IFNL1: variants seen among roughly 807,000 people sequenced by gnomAD.
IFNL1 encodes the protein interferon lambda-1.
A neutral mutation model predicts 17.1 loss-of-function variants in IFNL1; 16 were observed. The observed-to-expected ratio is 0.93, with a 90% CI of 0.63 to 1.42. The LOEUF is 1.42. Ranked by LOEUF, IFNL1 falls within the 40% of genes most tolerant of loss-of-function variation. IFNL1 has a pLI of 0.00. For synonymous variants in IFNL1, 104 were observed against 111.4 expected (o/e 0.93, Z 0.42); for missense variants, 262 against 249.4 (o/e 1.05, Z -0.34).
At position 39,296,551 on chromosome 19, in the gene IFNL1, C is replaced by A; in HGVS notation, c.130C>A (p.Pro44Thr). ...CHIGRFKSLS[P>T]QELASFKKAR... is the part of the protein sequence containing the mutation. ...CATTGGCAGGTTCAAATCTCTGTCA[C>A]CACAGGAGCTAGCGAGCTTCAAGAA... Residue 44 changes from proline to threonine, a missense_variant, in exon 1 of 5, where the codon CCA becomes ACA. Pro to Thr is a conservative substitution (Grantham distance 38, BLOSUM62 -1). Coordinates refer to ENST00000333625, the MANE Select transcript of IFNL1 (RefSeq NM_172140.2). 6 of 1,613,542 alleles carry A rather than the reference C, an allele frequency of 3.7e-6. No homozygotes were observed.
At position 39,296,505 on chromosome 19, in the gene IFNL1, C is replaced by A. The variant is rs1327883556; in HGVS notation, c.84C>A (p.Thr28=). 2.5e-6 allele frequency: 4 copies of A among 1,613,700 alleles called. No homozygotes were observed. The South Asian group carries it at 4.4e-5, about 18-fold the overall frequency. ...GCCCTGTCCCCACTTCCAAGCCCAC[C>A]ACAACTGGGAAGGGCTGCCACATTG... is the stretch of plus-strand genomic sequence containing the variant. ...VAGPVPTSKP[T]TTGKGCHIGR... is the part of the protein sequence containing the mutation. Residue 28 remains threonine (T), a synonymous_variant, in exon 1 of 5, where the codon ACC becomes ACA. Coordinates refer to ENST00000333625, the MANE Select transcript of IFNL1 (RefSeq NM_172140.2).
At chr19:39,297,443 C>T (rs537285807) in intron 2 of IFNL1, among the ~76,000 whole-genome samples, 5 of 151,728 alleles carry the variant, frequency 3.3e-5, no homozygotes, top group South Asian at 2.1e-4. Flanking sequence ...CTCAGCCTCC[C>T]GAGTAGCTGG....
At chr19:39,297,564 C>T (rs1568564805) in intron 2 of IFNL1, among the ~76,000 whole-genome samples, 2 of 152,080 alleles carry the variant, frequency 1.3e-5, no homozygotes, top group Non-Finnish European at 2.9e-5. Context: ...AGGTGATCCA[C>T]CCGCCTCGGC....
intron 2 of IFNL1, 82 bp from the exon 3 acceptor site, chr19:39,297,882 T>C (rs1363234482): frequency 1.3e-6 from 2 of 1,560,642 alleles, no homozygotes; most frequent in Non-Finnish European, 1.8e-6. Flanking sequence ...TCACCGACCT[T>C]CCCCAGGACT....
chr19:39,296,539 A>C lies in IFNL1; in HGVS notation c.118A>C (p.Lys40Gln). The stretch of plus-strand genomic sequence containing the variant: ...GAAGGGCTGCCACATTGGCAGGTTC[A>C]AATCTCTGTCACCACAGGAGCTAGC... ...TGKGCHIGRF[K>Q]SLSPQELASF... The change falls in exon 1 of 5, where the codon AAA becomes CAA. Residue 40 changes from lysine to glutamine, a missense_variant. Lys to Gln is a moderately conservative substitution (Grantham distance 53). Transcript: ENST00000333625. 1 of 1,613,948 alleles carries C rather than the reference A, an allele frequency of 6.2e-7. No individual in the cohort carries two copies. Among genetic ancestry groups the C allele is most frequent in the Non-Finnish European group, 8.5e-7 (1 of 1,180,006 alleles).
Position 39,298,652 on chromosome 19 carries a change from A to C in IFNL1, c.*136A>C. The C allele has an allele frequency of 9.3e-7, 1 of 1,079,064 alleles. No homozygotes were observed. The highest frequency in any genetic ancestry group is 1.4e-6 in the Non-Finnish European group (1 of 738,514). The allele number at this position is 1,079,064 out of a possible 1,614,324, so 66.8% of individuals were successfully genotyped here. A position where few individuals can be genotyped will look rare whatever the true frequency, so the allele number is the denominator to read the frequency against. ...GTTTTACTTTTATACATTATGCACA[A>C]ATAAACAACAAGGAATTGGAACCTT... On this transcript the variant is annotated 3_prime_UTR_variant, in exon 5 of 5. Coordinates refer to ENST00000333625, the MANE Select transcript of IFNL1 (RefSeq NM_172140.2).
Position 39,298,593 on chromosome 19 carries a change from G to A in IFNL1, c.*77G>A, listed in dbSNP as rs1242904331. On this transcript the variant is annotated 3_prime_UTR_variant, in exon 5 of 5. Coordinates refer to ENST00000333625, the MANE Select transcript of IFNL1 (RefSeq NM_172140.2). Reference sequence around the variant, plus strand: ...CCTCTCACCCTTTATTTATGAAGCTGCAGCCCTGACTGAGACATAGGGCTG... The same window carrying A: ...CCTCTCACCCTTTATTTATGAAGCTACAGCCCTGACTGAGACATAGGGCTG... 1 of 1,554,158 alleles carries A rather than the reference G, an allele frequency of 6.4e-7. No homozygotes were observed. The highest frequency in any genetic ancestry group is 2.3e-5 in the East Asian group (1 of 44,414).
rs768407174 is a variant in IFNL1, at chr19:39,298,310, GA to G, written c.477+16del. The G allele has an allele frequency of 1.2e-6, 2 of 1,614,010 alleles. No individual in the cohort carries two copies. The highest frequency in any genetic ancestry group is 1.7e-6 in the Non-Finnish European group (2 of 1,180,016). ...GCCCCCAAAAAGGTGAGTGACCCAG[GA>G]AGAGAAGGACCAGGGTCTGGGGAGC... is the stretch of plus-strand genomic sequence containing the variant. On this transcript the variant is annotated intron_variant, in intron 4 of 4. Transcript: ENST00000333625.
At position 39,298,373 on chromosome 19, in the gene IFNL1, T is replaced by A; in HGVS notation, c.478-18T>A. ...CAGACCCTGGACAGCCCCTGACCCATCCCCTCCTCCCCTACAGGAGTCCGC... is the reference window on the plus strand; with the variant it reads ...CAGACCCTGGACAGCCCCTGACCCAACCCCTCCTCCCCTACAGGAGTCCGC... On this transcript the variant is annotated intron_variant, in intron 4 of 4. Coordinates refer to ENST00000333625, the MANE Select transcript of IFNL1 (RefSeq NM_172140.2). The A allele has an allele frequency of 6.2e-7, 1 of 1,614,056 alleles. No homozygotes were observed. The highest frequency in any genetic ancestry group is 8.5e-7 in the Non-Finnish European group (1 of 1,179,986).
intron 2 of IFNL1, 143 bp from the exon 3 acceptor site, chr19:39,297,821 C>T: frequency 1.0e-6 from 1 of 957,186 alleles, no homozygotes; most frequent in Non-Finnish European, 1.6e-6. Flanking sequence ...TCTTCCCCCT[C>T]CTGTCTCCTT....
At position 39,298,538 on chromosome 19, in the gene IFNL1, GCTGAGCCCTA is replaced by G; in HGVS notation, c.*25_*34del. On this transcript the variant is annotated 3_prime_UTR_variant, in exon 5 of 5. Coordinates refer to ENST00000333625, the MANE Select transcript of IFNL1 (RefSeq NM_172140.2). ...CTGACACCCCACACCTTATTTATGC[GCTGAGCCCTA>G]CTCCTTCCTTAATTTATTTCCTCTC... The G allele has an allele frequency of 6.2e-7, 1 of 1,613,562 alleles. No homozygotes were observed.
intron 2 of IFNL1, among the ~76,000 whole-genome samples, chr19:39,297,471 A>G (rs1317842235): frequency 6.6e-6 from 1 of 151,884 alleles, no homozygotes; most frequent in Admixed American, 6.6e-5. Context: ...GGCATGTGCC[A>G]TGATGCCCAG....
chr19:39,296,495 C>A lies in IFNL1; in HGVS notation c.74C>A (p.Ser25Tyr). The change falls in exon 1 of 5, where the codon TCC (serine) becomes TAC (tyrosine). Residue 25 changes from serine to tyrosine, a missense_variant. Physicochemically the swap from Ser to Tyr is moderately radical, Grantham distance 144. Coordinates refer to ENST00000333625, the MANE Select transcript of IFNL1 (RefSeq NM_172140.2). ...GCCGTGGCAGGCCCTGTCCCCACTTCCAAGCCCACCACAACTGGGAAGGGC... is the reference window on the plus strand; with the variant it reads ...GCCGTGGCAGGCCCTGTCCCCACTTACAAGCCCACCACAACTGGGAAGGGC... ...GLAVAGPVPT[S>Y]KPTTTGKGCH... 6.2e-7 allele frequency: 1 copy of A among 1,613,566 alleles called. No homozygotes were observed. The highest frequency in any genetic ancestry group is 2.2e-5 in the East Asian group (1 of 44,874).
chr19:39,297,814 TC>T lies in IFNL1; in HGVS notation c.250-145del, dbSNP rs1468170366. Reference sequence around the variant, plus strand: ...CTCACCTGTATCCTTCCTCATGTCTTCCCCCTCCTGTCTCCTTCTCCCCAGA... The same window carrying T: ...CTCACCTGTATCCTTCCTCATGTCTTCCCCTCCTGTCTCCTTCTCCCCAGA... On this transcript the variant is annotated intron_variant, in intron 2 of 4. Transcript: ENST00000333625. 7 of 887,436 alleles carry T rather than the reference TC, an allele frequency of 7.9e-6. No individual in the cohort carries two copies. In the East Asian group the frequency reaches 1.8e-4, roughly 22 times the overall value. 55.0% of individuals were successfully genotyped at this position (887,436 alleles called of 1,614,324 possible).
intron 2 of IFNL1, among the ~76,000 whole-genome samples, chr19:39,297,148 G>A (rs760614405): frequency 1.3e-5 from 2 of 151,514 alleles, no homozygotes; most frequent in Non-Finnish European, 1.5e-5. Context: ...TCTCCCAAAT[G>A]TCTCCAGTCT....
rs2075098955 is a variant in IFNL1, at chr19:39,296,446, C to G, written c.25C>G (p.Leu9Val). Reference sequence around the variant, plus strand: ...CATGGCTGCAGCTTGGACCGTGGTGCTGGTGACTTTGGTGCTAGGCTTGGC... The same window carrying G: ...CATGGCTGCAGCTTGGACCGTGGTGGTGGTGACTTTGGTGCTAGGCTTGGC... MAAAWTVV[L>V]VTLVLGLAVA... The change falls in exon 1 of 5, where the codon CTG becomes GTG. Residue 9 changes from leucine (L) to valine (V), a missense_variant. Transcript: ENST00000333625. 1 of 1,611,738 alleles carries G rather than the reference C, an allele frequency of 6.2e-7. No homozygotes were observed. Among genetic ancestry groups the G allele is most frequent in the African/African-American group, 1.3e-5 (1 of 74,832 alleles).
Position 39,298,433 on chromosome 19 carries a change from T to G in IFNL1, c.520T>G (p.Phe174Val), listed in dbSNP as rs915518928. ...CLEASVTFNLFRLLTRDLKYV... is the reference protein window; with the variant it reads ...CLEASVTFNLVRLLTRDLKYV... ...GGAGGCATCTGTCACCTTCAACCTCTTCCGCCTCCTCACGCGAGACCTCAA... is the reference window on the plus strand; with the variant it reads ...GGAGGCATCTGTCACCTTCAACCTCGTCCGCCTCCTCACGCGAGACCTCAA... Residue 174 changes from phenylalanine (F) to valine (V), a missense_variant, in exon 5 of 5, where the codon TTC becomes GTC. Coordinates refer to ENST00000333625, the MANE Select transcript of IFNL1 (RefSeq NM_172140.2). 1 of 1,614,164 alleles carries G rather than the reference T, an allele frequency of 6.2e-7. No homozygotes were observed. The highest frequency in any genetic ancestry group is 8.5e-7 in the Non-Finnish European group (1 of 1,180,008).
chr19:39,297,841 C>T, intron 2 of IFNL1, 123 bp from the exon 3 acceptor site: 1 of 1,221,206 alleles, frequency 8.2e-7, no homozygotes, highest in Non-Finnish European at 1.2e-6. Context: ...TCTCCCCAGA[C>T]CCCTCACCTG....
rs1277655163 is a variant in IFNL1, at chr19:39,298,294, AAGGTGAGTGACCCAGG to A, written c.477_477+15del. On this transcript the variant is annotated splice_donor_variant and splice_donor_5th_base_variant and coding_sequence_variant and intron_variant, in exon 4 of 5. Coordinates refer to ENST00000333625, the MANE Select transcript of IFNL1 (RefSeq NM_172140.2). LOFTEE classifies it high-confidence loss of function. ...GCACCGGCTCCAGGAGGCCCCCAAA[AAGGTGAGTGACCCAGG>A]AAGAGAAGGACCAGGGTCTGGGGAG... is the stretch of plus-strand genomic sequence containing the variant. 1 of 1,614,032 alleles carries A rather than the reference AAGGTGAGTGACCCAGG, an allele frequency of 6.2e-7. No homozygotes were observed. Among genetic ancestry groups the A allele is most frequent in the East Asian group, 2.2e-5 (1 of 44,844 alleles).
Sources: gnomAD v4.1 joint callset for allele counts (sites outside exome capture counted in the v4.1 genomes callset) on GRCh38, gnomAD v4.1.1 for gene constraint, MANE v1.5 for transcripts, NCBI Gene and HGNC (gene_info 2026-07-23, HGNC 2026-07-21) for gene names.